The following ATXN7L1 variants were observed in gnomAD, a reference collection of about 807,000 sequenced individuals.
ATXN7L1 encodes ataxin-7-like protein 1.
In ATXN7L1, 15 loss-of-function variants were observed where a neutral mutation model predicts 70.8. The ratio of observed to expected loss-of-function variants is 0.21; its 90% confidence interval spans 0.14 to 0.33. The LOEUF (loss-of-function observed/expected upper bound fraction) is 0.33. Among genes scored for constraint, ATXN7L1 ranks in the 10% least tolerant of loss-of-function variants. The pLI is 1.00. For missense variants in ATXN7L1, 975 were observed against 1,097.1 expected, an observed-to-expected ratio of 0.89 and a Z score of 1.57; for synonymous variants, 440 against 445.1, an observed-to-expected ratio of 0.99 and a Z score of 0.14.
At chr7:105,681,924 G>A (rs1805607603) in intron 3 of ATXN7L1, among the ~76,000 whole-genome samples, 1 of 152,042 alleles carries the variant, frequency 6.6e-6, no homozygotes, top group Admixed American at 6.6e-5. Context: ...GGTTTTGCAA[G>A]ATAAAGAGTT....
intron 4 of ATXN7L1, among the ~76,000 whole-genome samples, chr7:105,652,792 G>C (rs1227868503): frequency 6.6e-6 from 1 of 152,204 alleles, no homozygotes; most frequent in Non-Finnish European, 1.5e-5. Context: ...GCTGAAAGAT[G>C]AGGAAATGGC....
intron 3 of ATXN7L1, among the ~76,000 whole-genome samples, chr7:105,762,584 A>G (rs754029707): frequency 6.6e-6 from 1 of 152,084 alleles, no homozygotes; most frequent in Non-Finnish European, 1.5e-5. Context: ...CTTCAGCCCA[A>G]TCAGGTGCAT....
intron 3 of ATXN7L1, among the ~76,000 whole-genome samples, chr7:105,673,963 A>AGGAC (rs1399919537): frequency 1.3e-5 from 2 of 152,244 alleles, no homozygotes; most frequent in African/African-American, 2.4e-5. Context: ...GTCAGGTGAT[A>AGGAC]GGACAGGCTG....
intron 10 of ATXN7L1, 40 bp downstream of exon 10, chr7:105,613,822 C>T (rs1198068467): frequency 9.7e-6 from 15 of 1,551,534 alleles, no homozygotes; most frequent in Non-Finnish European, 1.2e-5. Flanking sequence ...CTCCCCCTGC[C>T]CCCCAGAGCC....
At position 105,861,000 on chromosome 7, in the gene ATXN7L1, C is replaced by G. The variant is rs984664610; in HGVS notation, c.250+14812G>C. On this transcript the variant is annotated intron_variant, in intron 2 of 11. Transcript: ENST00000419735. ...GGGCATGGCTAGCATGCACAGGGTG[C>G]GGAGAAGGTCCAGGCGGGGTGGCCC... Among the ~76,000 whole-genome samples the G allele has an allele frequency of 2.6e-5, 4 of 152,176 alleles. No homozygotes were observed. The South Asian group carries it at 8.3e-4, about 32-fold the overall frequency.
Position 105,614,508 on chromosome 7 carries a change from G to C in ATXN7L1, c.1826C>G (p.Ala609Gly), listed in dbSNP as rs1373356974. ...CTTGTGGGATGGGGAAGGGATGACG[G>C]CTGGTATCGGGGACACGGCGGATGG... ...KAPSAVSPIP[A>G]VIPSPSHKPS... The change falls in exon 10 of 12, where the codon GCC (alanine) becomes GGC (glycine). Residue 609 changes from alanine (A) to glycine (G), a missense_variant. Transcript: ENST00000419735. This position sits in a 1 kb window ranked among gnomAD's most constrained non-coding sequence, Gnocchi z 4.3. 2.0e-6 allele frequency: 3 copies of C among 1,533,226 alleles called. No homozygotes were observed. Among genetic ancestry groups the C allele is most frequent in the Non-Finnish European group, 2.6e-6 (3 of 1,136,578 alleles). The allele number at this position is 1,533,226 out of a possible 1,614,324, so 95.0% of individuals were successfully genotyped here. A position where few individuals can be genotyped will look rare whatever the true frequency, so the allele number is the denominator to read the frequency against.
chr7:105,641,725 C>CA (rs1194157704), intron 5 of ATXN7L1, among the ~76,000 whole-genome samples: 3 of 152,378 alleles, frequency 2.0e-5, no homozygotes, highest in African/African-American at 7.2e-5. Flanking sequence ...GTGAGGCCCA[C>CA]AGTGCTTAGG....
intron 3 of ATXN7L1, among the ~76,000 whole-genome samples, chr7:105,751,653 C>G (rs1308768197): frequency 6.6e-6 from 1 of 152,052 alleles, no homozygotes; most frequent in Non-Finnish European, 1.5e-5. Context: ...AAAAAAAAGT[C>G]TCACCTTCAG....
intron 2 of ATXN7L1, among the ~76,000 whole-genome samples, chr7:105,789,095 T>TAAGCAG (rs1211119484): frequency 1.3e-5 from 2 of 152,196 alleles, no homozygotes; most frequent in Non-Finnish European, 2.9e-5. Context: ...CATTCCTGCA[T>TAAGCAG]AAGCAGCGGT....
In ATXN7L1 at chr7:105,863,731, A is replaced by G. The variant is rs117706635; in HGVS notation, c.250+12081T>C. On this transcript the variant is annotated intron_variant, in intron 2 of 11. Coordinates refer to ENST00000419735, the MANE Select transcript of ATXN7L1 (RefSeq NM_020725.2). ...TGAGCCTCAGCTTCCCAATCTCTGA[A>G]ATAGGGTTGATAACAGGATTTGCCT... Among the ~76,000 whole-genome samples the G allele has an allele frequency of 2.7e-4, 41 of 152,282 alleles. 1 individual carries two copies. In the East Asian group the frequency reaches 6.6e-3, roughly 24 times the overall value.
At chr7:105,738,929 A>G (rs1797707599) in intron 3 of ATXN7L1, among the ~76,000 whole-genome samples, 1 of 152,246 alleles carries the variant, frequency 6.6e-6, no homozygotes. Context: ...AGAAGAATAC[A>G]GTACTAGGTG....
intron 2 of ATXN7L1, among the ~76,000 whole-genome samples, chr7:105,861,051 A>G (rs1450538910): frequency 6.6e-6 from 1 of 151,992 alleles, no homozygotes; most frequent in East Asian, 1.9e-4. Context: ...TTCCTTAGAA[A>G]GTATGGCTGG....
Position 105,639,839 on chromosome 7 carries a change from T to C in ATXN7L1, c.863-270A>G, listed in dbSNP as rs185355770. Among the ~76,000 whole-genome samples the C allele has an allele frequency of 4.0e-3, 609 of 152,268 alleles. 7 individuals are homozygous for C. The highest frequency in any genetic ancestry group is 0.014 in the African/African-American group (582 of 41,568). On this transcript the variant is annotated intron_variant, in intron 5 of 11. Coordinates refer to ENST00000419735, the MANE Select transcript of ATXN7L1 (RefSeq NM_020725.2). The stretch of plus-strand genomic sequence containing the variant: ...CGAACGCAGCACAAGGCTCGGGGAA[T>C]AGGGCGGGAGCAGGCACCGAAGGGA...
At chr7:105,677,152 C>A (rs1804804968) in intron 3 of ATXN7L1, among the ~76,000 whole-genome samples, 1 of 152,182 alleles carries the variant, frequency 6.6e-6, no homozygotes, top group Non-Finnish European at 1.5e-5. Context: ...GGGCCAGGGC[C>A]CCCAAATCTG....
At chr7:105,723,129 G>T (rs1053735723) in intron 3 of ATXN7L1, among the ~76,000 whole-genome samples, 1 of 152,140 alleles carries the variant, frequency 6.6e-6, no homozygotes, top group Non-Finnish European at 1.5e-5. Flanking sequence ...ATGACGTGGG[G>T]TGTATCATTT....
At chr7:105,740,484 T>C (rs1319347536) in intron 3 of ATXN7L1, among the ~76,000 whole-genome samples, 1 of 152,096 alleles carries the variant, frequency 6.6e-6, no homozygotes, top group East Asian at 1.9e-4. Context: ...TGGAAAGCAC[T>C]CACAAAATAC....
At chr7:105,733,925 TCATCCATCATC>T (rs1217035238) in intron 3 of ATXN7L1, among the ~76,000 whole-genome samples, 1 of 124,096 alleles carries the variant, frequency 8.1e-6, no homozygotes, top group Non-Finnish European at 1.7e-5. Flanking sequence ...CATCCATCCA[TCATCCATCATC>T]CATCCATCCA....
At chr7:105,626,779 G>A (rs1338001168) in intron 7 of ATXN7L1, among the ~76,000 whole-genome samples, 2 of 152,058 alleles carry the variant, frequency 1.3e-5, no homozygotes, top group Non-Finnish European at 2.9e-5. Flanking sequence ...AAAAAAACCA[G>A]TATCCATAAC....
intron 4 of ATXN7L1, among the ~76,000 whole-genome samples, chr7:105,659,530 T>C (rs1029882622): frequency 3.3e-5 from 5 of 152,142 alleles, no homozygotes; most frequent in Non-Finnish European, 7.4e-5. Context: ...TATCAGGTTG[T>C]TGGCAAGGAG....
Sources: gnomAD v4.1 joint callset for allele counts (sites outside exome capture counted in the v4.1 genomes callset) on GRCh38, gnomAD v4.1.1 for gene constraint, Gnocchi (gnomAD v3.1) non-coding constraint, MANE v1.5 for transcripts, NCBI Gene and HGNC (gene_info 2026-07-23, HGNC 2026-07-21) for gene names.